MACF1: variants seen among roughly 807,000 people sequenced by gnomAD.
The protein encoded by MACF1 is microtubule-actin cross-linking factor 1.
Under a neutral mutation model 854.8 loss-of-function variants are expected in MACF1, and 193 were observed. The ratio of observed to expected loss-of-function variants is 0.23; its 90% CI spans 0.20 to 0.25. The LOEUF (loss-of-function observed/expected upper bound fraction) is 0.25. MACF1 is among the 10% of genes least tolerant of loss of function. The probability of loss-of-function intolerance (pLI) is 1.00; values close to 1 mark genes in which losing one functional copy is unlikely to be tolerated. For missense variants in MACF1, 7,722 were observed against 8,929.1 expected, an observed-to-expected ratio of 0.86 and a Z score of 5.45; for synonymous variants, 3,185 against 3,226.7, an observed-to-expected ratio of 0.99 and a Z score of 0.44.
At chr1:39,250,150 G>T in intron 3 of MACF1, 47 bp downstream of exon 3, 1 of 1,295,510 alleles carries the variant, frequency 7.7e-7, no homozygotes, top group South Asian at 1.2e-5. Context: ...CCCTACAAAT[G>T]ACATATTGGT....
At position 39,340,908 on chromosome 1, in the gene MACF1, T is replaced by A. The variant is rs748411610; in HGVS notation, c.10536T>A (p.Ser3512Arg). ...TTCTGAACAGCAAGGGATCTAACAG[T>A]GAAATAGATGTTGACAGCCTGAACC... ...NLILNSKGSN[S>R]EIDVDSLNLC... is the part of the protein sequence containing the mutation. Residue 3512 changes from serine (S) to arginine (R), a missense_variant, in exon 40 of 101, where the codon AGT becomes AGA. Ser to Arg is a moderately radical substitution (Grantham distance 110). This residue lies in a region of MACF1 where 854 missense variants were observed against 852.6 expected (regional missense o/e 1.00). Transcript: ENST00000564288. 6.2e-7 allele frequency: 1 copy of A among 1,613,288 alleles called. No homozygotes were observed. The highest frequency in any genetic ancestry group is 8.5e-7 in the Non-Finnish European group (1 of 1,179,598).
At chr1:39,190,404 T>TTTTTTTTTTTTTTTTTTG (rs1644239679) in intron 2 of MACF1, among the ~76,000 whole-genome samples, 1 of 135,892 alleles carries the variant, frequency 7.4e-6, no homozygotes, top group Non-Finnish European at 1.6e-5. Context: ...TGTTTTTGTT[T>TTTTTTTTTTTTTTTTTTG]TTTTTTTTTT....
Position 39,448,766 on chromosome 1 carries a change from G to A in MACF1, c.20258+3G>A. ...GTTTGTGGCAAGTCTGTGGAGCGGT[G>A]AGCATGAATGTCCCCTTCAGGGGTC... On this transcript the variant is annotated splice_donor_region_variant and intron_variant, in intron 84 of 100. Transcript: ENST00000564288. The A allele has an allele frequency of 6.2e-7, 1 of 1,606,246 alleles. No homozygotes were observed.
intron 2 of MACF1, among the ~76,000 whole-genome samples, chr1:39,196,291 T>G (rs1644319186): frequency 6.6e-6 from 1 of 152,228 alleles, no homozygotes; most frequent in Non-Finnish European, 1.5e-5. Flanking sequence ...GAGATTTTCC[T>G]TACTTTATTG....
At position 39,310,340 on chromosome 1, in the gene MACF1, G is replaced by C. The variant is rs141246822; in HGVS notation, c.3012G>C (p.Leu1004=). ...TGCAGGATAGTCGTGACTCTGTGCT[G>C]TTCTCAGTGGCTGATCGCTTGCGCT... ...DFLQDSRDSV[L]FSVADRLRLE... is the part of the protein sequence containing the mutation. The change falls in exon 25 of 101, where the codon CTG becomes CTC. Residue 1004 remains leucine (L), a synonymous_variant. Transcript: ENST00000564288. 1.1e-5 allele frequency: 17 copies of C among 1,614,046 alleles called. 1 individual carries two copies. The South Asian group carries it at 1.8e-4, about 17-fold the overall frequency.
intron 6 of MACF1, among the ~76,000 whole-genome samples, chr1:39,274,074 G>T (rs954966210): frequency 6.6e-6 from 1 of 152,090 alleles, no homozygotes; most frequent in South Asian, 2.1e-4. Flanking sequence ...AAGTGGGTGG[G>T]ATGTAGATGA....
chr1:39,417,514 T>A (rs1643360502), intron 58 of MACF1, among the ~76,000 whole-genome samples: 1 of 151,938 alleles, frequency 6.6e-6, no homozygotes, highest in Non-Finnish European at 1.5e-5. Context: ...ACCGTTTGTG[T>A]ACAAGGATTC....
intron 2 of MACF1, among the ~76,000 whole-genome samples, chr1:39,118,752 TG>T (rs1642608465): frequency 6.6e-6 from 1 of 152,000 alleles, no homozygotes. Flanking sequence ...GAAATAGGTT[TG>T]GGGGCAGTAT....
In MACF1 at chr1:39,447,499, G is replaced by C. The variant is rs776734410; in HGVS notation, c.19673G>C (p.Trp6558Ser). ...FQNSLQEFINWLTLAEQSLNI... is the reference protein window; with the variant it reads ...FQNSLQEFINSLTLAEQSLNI... ...AATTCCCTACAAGAATTTATCAACT[G>C]GCTCACTCTAGCAGAGCAGAGTTTA... Residue 6558 changes from tryptophan (W) to serine (S), a missense_variant, in exon 81 of 101, where the codon TGG (tryptophan) becomes TCG (serine). Trp to Ser is a radical substitution (Grantham distance 177). This residue lies in a region of MACF1 where 729 missense variants were observed against 900.5 expected (regional missense o/e 0.81). Transcript: ENST00000564288. 9 of 1,614,024 alleles carry C rather than the reference G, an allele frequency of 5.6e-6. No homozygotes were observed. Among genetic ancestry groups the C allele is most frequent in the Non-Finnish European group, 7.6e-6 (9 of 1,179,932 alleles).
Position 39,105,944 on chromosome 1 carries a change from T to C in MACF1, c.220+21506T>C, listed in dbSNP as rs979997504. On this transcript the variant is annotated intron_variant, in intron 2 of 93. Transcript: ENST00000361689. This position sits in a 1 kb window ranked among gnomAD's most constrained non-coding sequence, Gnocchi z 5.9. ...CGGCGCGCTCAGAGCGCCAGTTACA[T>C]GATTTGCCCTATTATCCGGCCCCAG... Among the ~76,000 whole-genome samples, 1 of 152,094 alleles carries C rather than the reference T, an allele frequency of 6.6e-6. No individual in the cohort carries two copies. Among genetic ancestry groups the C allele is most frequent in the Non-Finnish European group, 1.5e-5 (1 of 67,996 alleles).
At chr1:39,125,567 C>T (rs138276040) in intron 2 of MACF1, among the ~76,000 whole-genome samples, 26 of 152,278 alleles carry the variant, frequency 1.7e-4, no homozygotes, top group Non-Finnish European at 2.4e-4. Flanking sequence ...AGGATTTAGA[C>T]CCTCGCTTGG....
intron 6 of MACF1, among the ~76,000 whole-genome samples, chr1:39,262,577 C>G (rs1470837705): frequency 1.3e-5 from 2 of 151,984 alleles, no homozygotes; most frequent in Non-Finnish European, 1.5e-5. Flanking sequence ...ACAGTATGAA[C>G]TCAACAGTGG....
intron 58 of MACF1, chr1:39,410,464 G>A (rs752387540): frequency 4.3e-6 from 7 of 1,614,032 alleles, no homozygotes; most frequent in South Asian, 2.2e-5. Flanking sequence ...AAAGATGGAA[G>A]GAAGTACTAT....
intron 58 of MACF1, among the ~76,000 whole-genome samples, chr1:39,406,749 A>ACAAAAC (rs1471480685): frequency 3.3e-5 from 5 of 150,838 alleles, no homozygotes; most frequent in African/African-American, 1.2e-4. Flanking sequence ...AAAAAAAAAA[A>ACAAAAC]AAAAAAAAAC....
At chr1:39,422,634 T>A in intron 59 of MACF1, 96 bp from the exon 60 acceptor site, 1 of 1,538,054 alleles carries the variant, frequency 6.5e-7, no homozygotes, top group East Asian at 2.3e-5. Context: ...AAATAAAAAT[T>A]TAGCAGTTGC....
At chr1:39,139,991 TTGCACAGGC>T (rs1643303091) in intron 2 of MACF1, among the ~76,000 whole-genome samples, 1 of 152,026 alleles carries the variant, frequency 6.6e-6, no homozygotes, top group Admixed American at 6.6e-5. Flanking sequence ...GTCTTGGCTG[TTGCACAGGC>T]TGCAGTGCAG....
chr1:39,260,265 C>T (rs1262950258), intron 6 of MACF1: 4 of 151,980 alleles, frequency 2.6e-5, no homozygotes, highest in Non-Finnish European at 5.9e-5. Flanking sequence ...TATTTTCTGT[C>T]CCAGGCCTGA....
At chr1:39,204,453 G>C (rs1203580867), upstream of MACF1, 1 of 153,030 alleles carries the variant, frequency 6.5e-6, no homozygotes, top group Non-Finnish European at 1.5e-5. Flanking sequence ...GGTATGGAGG[G>C]TTTGCCCTCT....
rs886808628 is a variant in MACF1, at chr1:39,227,892, C to A, written c.110-3290C>A. Among the ~76,000 whole-genome samples, 11 of 152,220 alleles carry A rather than the reference C, an allele frequency of 7.2e-5. 1 individual carries two copies. The highest frequency in any genetic ancestry group is 2.7e-4 in the African/African-American group (11 of 41,460). On this transcript the variant is annotated intron_variant, in intron 1 of 100. Transcript: ENST00000564288. ...TCTTTTAAGGTTAGATAGAGTCACTCCTCCTTGAAACTTCATTAAGTCCCC... is the reference window on the plus strand; with the variant it reads ...TCTTTTAAGGTTAGATAGAGTCACTACTCCTTGAAACTTCATTAAGTCCCC...
Sources: gnomAD v4.1 joint callset for allele counts (sites outside exome capture counted in the v4.1 genomes callset) on GRCh38, gnomAD v4.1.1 for gene constraint, gnomAD v4.1.1 regional missense constraint, Gnocchi (gnomAD v3.1) non-coding constraint, MANE v1.5 for transcripts, NCBI Gene and HGNC (gene_info 2026-07-23, HGNC 2026-07-21) for gene names.